KCNU1: variants seen among roughly 807,000 people sequenced by gnomAD.
KCNU1 encodes the protein potassium channel subfamily U member 1.
A neutral mutation model predicts 126.8 loss-of-function variants in KCNU1; 93 were observed. The observed-to-expected ratio is 0.73, with a 90% CI of 0.62 to 0.87. KCNU1 has a LOEUF of 0.87. Among genes scored for constraint, KCNU1 ranks in the 40% least tolerant of loss-of-function variants. The pLI is 0.00. For synonymous variants in KCNU1, 523 were observed against 494.2 expected (o/e 1.06, Z -0.77); for missense variants, 1,330 against 1,367.1 (o/e 0.97, Z 0.43).
At chr8:36,932,729 C>T (rs1232775054) in intron 25 of KCNU1, among the ~76,000 whole-genome samples, 191 bp from the exon 26 acceptor site, 3 of 152,098 alleles carry the variant, frequency 2.0e-5, no homozygotes, top group African/African-American at 7.2e-5. Context: ...TAAAAACCAT[C>T]ACTGGGATTA....
At chr8:36,890,924 C>G (rs1222145128) in intron 19 of KCNU1, among the ~76,000 whole-genome samples, 1 of 150,450 alleles carries the variant, frequency 6.6e-6, no homozygotes, top group African/African-American at 2.5e-5. Context: ...CATCCTTTTA[C>G]TTTCAACCTA....
At chr8:36,929,992 T>C (rs1469995203) in intron 24 of KCNU1, among the ~76,000 whole-genome samples, 3 of 152,056 alleles carry the variant, frequency 2.0e-5, no homozygotes, top group Non-Finnish European at 4.4e-5. Flanking sequence ...AATTTGAAAG[T>C]AGAGAAAATA....
chr8:36,901,543 A>G (rs190919971), intron 19 of KCNU1, among the ~76,000 whole-genome samples: 3 of 152,206 alleles, frequency 2.0e-5, no homozygotes, highest in East Asian at 3.9e-4. Flanking sequence ...AAGCAACCCA[A>G]AGAAAAGCAG....
chr8:36,849,045 A>T (rs2117280961), intron 18 of KCNU1, among the ~76,000 whole-genome samples: 1 of 152,238 alleles, frequency 6.6e-6, no homozygotes, highest in South Asian at 2.1e-4. Context: ...TTGTGTAGTC[A>T]TCACTACAAT....
chr8:36,808,830 G>A (rs1396085807), intron 7 of KCNU1, 37 bp downstream of exon 7: 2 of 1,479,664 alleles, frequency 1.4e-6, no homozygotes, highest in Middle Eastern at 1.7e-4. Flanking sequence ...GGTGTCTGTT[G>A]TTACCAGCAT....
intron 19 of KCNU1, among the ~76,000 whole-genome samples, chr8:36,867,851 A>G (rs1434278836): frequency 1.3e-5 from 2 of 152,174 alleles, no homozygotes; most frequent in East Asian, 1.9e-4. Flanking sequence ...ATGGATCCAG[A>G]CAACCTGGTT....
intron 10 of KCNU1, among the ~76,000 whole-genome samples, chr8:36,824,488 G>GAA (rs1804244406): frequency 6.6e-6 from 1 of 152,034 alleles, no homozygotes; most frequent in Non-Finnish European, 1.5e-5. Flanking sequence ...AGGAAAAATG[G>GAA]TACTGTATAT....
intron 10 of KCNU1, among the ~76,000 whole-genome samples, chr8:36,823,901 G>T (rs545872217): frequency 3.4e-4 from 51 of 148,706 alleles, no homozygotes; most frequent in African/African-American, 1.3e-3. Context: ...GCAATGGTGC[G>T]ATCTCAGTTC....
chr8:36,802,885 A>G (rs763483254), intron 2 of KCNU1, among the ~76,000 whole-genome samples: 1 of 152,208 alleles, frequency 6.6e-6, no homozygotes, highest in Non-Finnish European at 1.5e-5. Flanking sequence ...ACTGATGAAC[A>G]GAAGAGTACT....
At chr8:36,798,687 A>T (rs1803194929) in intron 2 of KCNU1, among the ~76,000 whole-genome samples, 1 of 152,134 alleles carries the variant, frequency 6.6e-6, no homozygotes, top group Admixed American at 6.5e-5. Flanking sequence ...AAACTCAACC[A>T]ATTGTCAACC....
intron 24 of KCNU1, among the ~76,000 whole-genome samples, chr8:36,926,880 A>C (rs1270972220): frequency 1.3e-5 from 2 of 152,130 alleles, no homozygotes; most frequent in African/African-American, 4.8e-5. Flanking sequence ...GAGCAGATGC[A>C]TTCAGGACAG....
At chr8:36,901,498 G>A (rs953808543) in intron 19 of KCNU1, among the ~76,000 whole-genome samples, 20 of 152,190 alleles carry the variant, frequency 1.3e-4, no homozygotes, top group African/African-American at 4.6e-4. Context: ...GAGGCAACAC[G>A]TTCTGCTCAT....
At chr8:36,796,479 T>C (rs2130367764) in intron 2 of KCNU1, among the ~76,000 whole-genome samples, 1 of 152,348 alleles carries the variant, frequency 6.6e-6, no homozygotes, top group Non-Finnish European at 1.5e-5. Context: ...TTTTTAGTTT[T>C]ATTGACTGTC....
At chr8:36,871,139 T>C (rs555587903) in intron 19 of KCNU1, among the ~76,000 whole-genome samples, 18 of 152,246 alleles carry the variant, frequency 1.2e-4, no homozygotes, top group African/African-American at 4.3e-4. Context: ...ATAGGGATAA[T>C]CTAGAGGTAG....
chr8:36,892,329 C>T (rs999903170), intron 19 of KCNU1, among the ~76,000 whole-genome samples: 1 of 152,044 alleles, frequency 6.6e-6, no homozygotes, highest in Non-Finnish European at 1.5e-5. Flanking sequence ...AATCTATCTC[C>T]TCACTGATAT....
At chr8:36,913,300 T>C (rs1265438730) in intron 22 of KCNU1, among the ~76,000 whole-genome samples, 1 of 151,630 alleles carries the variant, frequency 6.6e-6, no homozygotes, top group South Asian at 2.1e-4. Context: ...GGGAATGAGG[T>C]TGAGGAAAGA....
chr8:36,917,895 T>A (rs937240048), intron 22 of KCNU1, among the ~76,000 whole-genome samples: 1 of 152,096 alleles, frequency 6.6e-6, no homozygotes, highest in Admixed American at 6.5e-5. Context: ...ACATCCCAGC[T>A]CAGGCTTTAA....
chr8:36,905,525 A>G (rs1202645385), intron 19 of KCNU1, among the ~76,000 whole-genome samples, 183 bp from the exon 20 acceptor site: 1 of 151,604 alleles, frequency 6.6e-6, no homozygotes, highest in Non-Finnish European at 1.5e-5. Flanking sequence ...CAACTATGAT[A>G]CAGTCTGGGC....
chr8:36,849,980 C>T (rs1428207146), intron 18 of KCNU1, among the ~76,000 whole-genome samples: 1 of 152,150 alleles, frequency 6.6e-6, no homozygotes, highest in Non-Finnish European at 1.5e-5. Flanking sequence ...ACATTCTCAC[C>T]TACACTTACT....
Sources: allele counts gnomAD v4.1 joint callset (sites outside exome capture counted in the v4.1 genomes callset), GRCh38; gene constraint gnomAD v4.1.1; transcripts MANE v1.5; gene names NCBI Gene and HGNC (gene_info 2026-07-23, HGNC 2026-07-21).